The following EIF4E2 variants were observed in gnomAD, a reference collection of about 807,000 sequenced individuals.
The protein encoded by EIF4E2 is eukaryotic translation initiation factor 4E family member 2.
Under a neutral mutation model 34.2 loss-of-function variants are expected in EIF4E2, and 13 were observed. The observed-to-expected ratio is 0.38, with a 90% confidence interval of 0.25 to 0.60. The LOEUF (loss-of-function observed/expected upper bound fraction) is 0.60, where lower values mean the gene tolerates loss of function less well. EIF4E2 is among the 20% of genes least tolerant of loss of function. The pLI is 0.62. For missense variants in EIF4E2, 222 were observed against 315.1 expected (o/e 0.70, Z 2.24); for synonymous variants, 100 against 106.6 (o/e 0.94, Z 0.38).
Position 232,555,030 on chromosome 2 carries a change from C to T in EIF4E2, c.21-1386C>T, listed in dbSNP as rs146809782. ...ACAGGGCATAACCTCCTGGGTATAT[C>T]CTACAGCTAGGGCTGTGAAATGGGC... On this transcript the variant is annotated intron_variant, in intron 1 of 6. Coordinates refer to ENST00000258416, the MANE Select transcript of EIF4E2 (RefSeq NM_004846.4). Among the ~76,000 whole-genome samples, 441 of 152,270 alleles carry T rather than the reference C, an allele frequency of 2.9e-3. 2 individuals are homozygous for T. The highest frequency in any genetic ancestry group is 9.8e-3 in the African/African-American group (406 of 41,554).
chr2:232,570,061 A>G (rs1480993390), downstream of EIF4E2, among the ~76,000 whole-genome samples: 1 of 152,052 alleles, frequency 6.6e-6, no homozygotes, highest in African/African-American at 2.4e-5. Flanking sequence ...ATTTTTTTGC[A>G]AACACTGGGT....
chr2:232,555,190 G>GTTTA lies in EIF4E2; in HGVS notation c.21-1225_21-1224insTTAT, dbSNP rs577655682. Among the ~76,000 whole-genome samples the GTTTA allele has an allele frequency of 1.0e-3, 152 of 152,326 alleles. 1 individual carries two copies. The highest frequency in any genetic ancestry group is 1.7e-3 in the Non-Finnish European group (116 of 68,024). ...ACAAAGTACCCTGCAACATGTTTAT[G>GTTTA]TGTCAGCATAGGGTAGTATCTGAAT... On this transcript the variant is annotated intron_variant, in intron 1 of 6. Coordinates refer to ENST00000258416, the MANE Select transcript of EIF4E2 (RefSeq NM_004846.4).
At chr2:232,555,138 G>C (rs1239710336) in intron 1 of EIF4E2, among the ~76,000 whole-genome samples, 1 of 152,056 alleles carries the variant, frequency 6.6e-6, no homozygotes, top group African/African-American at 2.4e-5. Context: ...CTGGGGATTC[G>C]TGGGCAAAAA....
intron 3 of EIF4E2, among the ~76,000 whole-genome samples, chr2:232,562,431 C>G (rs1329272138): frequency 6.6e-6 from 1 of 151,234 alleles, no homozygotes; most frequent in Non-Finnish European, 1.5e-5. Flanking sequence ...ACTAAAAATA[C>G]AAAAATTAGC....
chr2:232,574,903 G>A (rs943228808), intron 6 of EIF4E2, among the ~76,000 whole-genome samples: 2 of 152,230 alleles, frequency 1.3e-5, no homozygotes, highest in Admixed American at 1.3e-4. Context: ...GTACTAGTAG[G>A]GAGAGGCACT....
intron 2 of EIF4E2, 102 bp downstream of exon 2, chr2:232,556,632 C>T (rs950710008): frequency 1.2e-6 from 1 of 821,902 alleles, no homozygotes; most frequent in Non-Finnish European, 2.0e-6. Flanking sequence ...TTGATGGCAT[C>T]CTGTGTTGGA....
intron 6 of EIF4E2, among the ~76,000 whole-genome samples, chr2:232,576,927 C>T (rs564808804): frequency 6.6e-6 from 1 of 152,256 alleles, no homozygotes; most frequent in African/African-American, 2.4e-5. Flanking sequence ...AATATTTTTC[C>T]TCAATTTATC....
At chr2:232,552,328 C>T (rs1208317851) in intron 1 of EIF4E2, among the ~76,000 whole-genome samples, 2 of 152,198 alleles carry the variant, frequency 1.3e-5, no homozygotes, top group African/African-American at 4.8e-5. Flanking sequence ...CCTCCCATCT[C>T]AGCCTCCAGA....
At chr2:232,555,427 AG>A (rs1692486269) in intron 1 of EIF4E2, among the ~76,000 whole-genome samples, 1 of 152,222 alleles carries the variant, frequency 6.6e-6, no homozygotes, top group South Asian at 2.1e-4. Context: ...TGTACCTGAA[AG>A]CCTTGGGGTA....
intron 3 of EIF4E2, among the ~76,000 whole-genome samples, chr2:232,563,370 G>A (rs915544830): frequency 1.0e-4 from 15 of 150,484 alleles, no homozygotes; most frequent in South Asian, 4.2e-4. Flanking sequence ...ATACTGCTGC[G>A]TAGACCCTGT....
intron 1 of EIF4E2, among the ~76,000 whole-genome samples, chr2:232,553,578 G>T (rs1190451): frequency 6.6e-6 from 1 of 152,094 alleles, no homozygotes; most frequent in Non-Finnish European, 1.5e-5. Context: ...CAGTCTCAGA[G>T]TTGCTAACTG....
intron 6 of EIF4E2, among the ~76,000 whole-genome samples, chr2:232,580,137 C>G (rs1463711667): frequency 1.3e-5 from 2 of 149,400 alleles, no homozygotes; most frequent in African/African-American, 5.0e-5. Flanking sequence ...CACACACTTT[C>G]AAGAATTAGA....
At chr2:232,561,029 T>G (rs1692704736) in intron 3 of EIF4E2, among the ~76,000 whole-genome samples, 1 of 152,190 alleles carries the variant, frequency 6.6e-6, no homozygotes, top group Non-Finnish European at 1.5e-5. Context: ...GGGAAGACAG[T>G]AAGTGATACT....
intron 3 of EIF4E2, among the ~76,000 whole-genome samples, chr2:232,560,113 G>A (rs887692466): frequency 2.0e-5 from 3 of 152,198 alleles, no homozygotes; most frequent in African/African-American, 4.8e-5. Flanking sequence ...CTGGAGGGTG[G>A]TGCGCCTAGA....
downstream of EIF4E2, chr2:232,573,991 T>C: frequency 1.5e-6 from 1 of 646,968 alleles, no homozygotes; most frequent in East Asian, 3.1e-5. Context: ...GGAGCCTTGT[T>C]GAAGGAACAC....
downstream of EIF4E2, among the ~76,000 whole-genome samples, chr2:232,570,694 T>C (rs768205952): frequency 3.3e-5 from 5 of 152,198 alleles, no homozygotes; most frequent in Non-Finnish European, 7.3e-5. Flanking sequence ...CCTGTAATCC[T>C]AGCACTTTGG....
chr2:232,557,830 G>A (rs1210914510), intron 2 of EIF4E2, 54 bp from the exon 3 acceptor site: 1 of 1,594,264 alleles, frequency 6.3e-7, no homozygotes, highest in East Asian at 2.2e-5. Flanking sequence ...TGTTCTCTCA[G>A]TCTCAGACCA....
At position 232,551,020 on chromosome 2, in the gene EIF4E2, C is replaced by T. The variant is rs1016544642; in HGVS notation, c.20+276C>T. ...CCGGTAGGGGGAGATTTTCGGACGC[C>T]CCGCCCTGGTGGATGCGGATTGCCT... On this transcript the variant is annotated intron_variant, in intron 1 of 6. Transcript: ENST00000258416. The T allele has an allele frequency of 2.0e-5, 12 of 612,030 alleles. No homozygotes were observed. The African/African-American group carries it at 2.0e-4, about 10-fold the overall frequency. The allele number at this position is 612,030 out of a possible 1,614,324, so 37.9% of individuals were successfully genotyped here.
intron 6 of EIF4E2, chr2:232,567,898 G>A: frequency 1.0e-6 from 1 of 985,480 alleles, no homozygotes; most frequent in Non-Finnish European, 1.2e-6. Flanking sequence ...GGGAGTGGCT[G>A]TCAGATTGTC....
Sources: allele counts gnomAD v4.1 joint callset (sites outside exome capture counted in the v4.1 genomes callset), GRCh38; gene constraint gnomAD v4.1.1; transcripts MANE v1.5; gene names NCBI Gene and HGNC (gene_info 2026-07-23, HGNC 2026-07-21).